Variants in ZDHHC9 observed in about 807,000 individuals in gnomAD.
The protein encoded by ZDHHC9 is palmitoyltransferase ZDHHC9.
ZDHHC9 carries 3 observed loss-of-function variants against 26.6 expected under a neutral mutation model. The ratio of observed to expected loss-of-function variants is 0.11; its 90% CI spans 0.05 to 0.29. The LOEUF is 0.29. ZDHHC9 is among the 10% of genes least tolerant of loss of function. The pLI, the probability that ZDHHC9 is intolerant of heterozygous loss-of-function variation, is 1.00. For missense variants in ZDHHC9, 146 were observed against 296.4 expected (o/e 0.49, Z 3.73); for synonymous variants, 111 against 109.4 (o/e 1.01, Z -0.09).
chrX:129,822,724 C>T (rs1049827064), intron 5 of ZDHHC9, among the ~76,000 whole-genome samples: 4 of 111,460 alleles, frequency 3.6e-5, no homozygotes, highest in Non-Finnish European at 7.5e-5. Flanking sequence ...ATAGCTTTTA[C>T]CATATAAAGC....
At chrX:129,812,592 G>T in intron 8 of ZDHHC9, 126 bp downstream of exon 8, 1 of 580,418 alleles carries the variant, frequency 1.7e-6, no homozygotes, top group Non-Finnish European at 3.0e-6. Context: ...TAACAACCTC[G>T]CATACCACGT....
chrX:129,839,245 A>G (rs1447585441), intron 3 of ZDHHC9, among the ~76,000 whole-genome samples: 1 of 103,713 alleles, frequency 9.6e-6, no homozygotes, highest in African/African-American at 3.6e-5. Flanking sequence ...TTTTTTTAAG[A>G]CAGAGTCTCA....
chrX:129,806,362 T>A lies in ZDHHC9; in HGVS notation c.*8A>T. 8.3e-7 allele frequency: 1 copy of A among 1,202,013 alleles called. No homozygotes were observed. The highest frequency in any genetic ancestry group is 1.1e-6 in the Non-Finnish European group (1 of 886,563). On this transcript the variant is annotated 3_prime_UTR_variant, in exon 11 of 11. Transcript: ENST00000357166. Reference sequence around the variant, plus strand: ...TAAACACAAACAAAAGTCTCTTCCATAGATAGGCTACTTCTCAGCTTCAGC... The same window carrying A: ...TAAACACAAACAAAAGTCTCTTCCAAAGATAGGCTACTTCTCAGCTTCAGC...
At chrX:129,809,947 C>T (rs1359284738) in intron 10 of ZDHHC9, among the ~76,000 whole-genome samples, 5 of 101,930 alleles carry the variant, frequency 4.9e-5, no homozygotes, top group African/African-American at 1.8e-4. Context: ...TGAGATTGCA[C>T]CACCGCACTC....
At chrX:129,834,946 A>C (rs1307906300) in intron 3 of ZDHHC9, among the ~76,000 whole-genome samples, 1 of 112,321 alleles carries the variant, frequency 8.9e-6, no homozygotes, top group Non-Finnish European at 1.9e-5. Flanking sequence ...TCCCTCAATA[A>C]CATCTCAACT....
chrX:129,806,895 A>AG (rs1927528427), intron 10 of ZDHHC9, among the ~76,000 whole-genome samples: 1 of 111,882 alleles, frequency 8.9e-6, no homozygotes, highest in Admixed American at 9.5e-5. Flanking sequence ...AAGAAGGCCA[A>AG]GTGTCCAAAT....
At chrX:129,842,543 T>G (rs1928405937) in intron 2 of ZDHHC9, among the ~76,000 whole-genome samples, 1 of 112,539 alleles carries the variant, frequency 8.9e-6, no homozygotes. Flanking sequence ...ACTCTAAAAA[T>G]AATAGTAGAG....
chrX:129,841,976 G>A lies in ZDHHC9; in HGVS notation c.-31C>T. 3 of 1,209,838 alleles carry A rather than the reference G, an allele frequency of 2.5e-6. No individual in the cohort carries two copies. Among genetic ancestry groups the A allele is most frequent in the Non-Finnish European group, 3.4e-6 (3 of 893,953 alleles). On this transcript the variant is annotated 5_prime_UTR_variant, in exon 3 of 11. Transcript: ENST00000357166. ...GAATTCCTGCTCCAAAATGGGTTTTGCGATTACACGAGAGAAGAAACAGAG... is the reference window on the plus strand; with the variant it reads ...GAATTCCTGCTCCAAAATGGGTTTTACGATTACACGAGAGAAGAAACAGAG...
intron 4 of ZDHHC9, among the ~76,000 whole-genome samples, chrX:129,827,268 A>G (rs186673687): frequency 2.4e-4 from 17 of 71,593 alleles, no homozygotes; most frequent in African/African-American, 8.2e-4. Flanking sequence ...GGAAGGAAGG[A>G]AGGGAGGGAG....
rs1027316485 is a variant in ZDHHC9, at chrX:129,804,580, G to A, written c.*1790C>T. On this transcript the variant is annotated 3_prime_UTR_variant, in exon 11 of 11. Coordinates refer to ENST00000357166, the MANE Select transcript of ZDHHC9 (RefSeq NM_016032.4). ...ACTGATCAAATATTTCCAAGGGGGGGCCCTGATGAGCCTGCGTTAATAACT... is the reference window on the plus strand; with the variant it reads ...ACTGATCAAATATTTCCAAGGGGGGACCCTGATGAGCCTGCGTTAATAACT... The A allele has an allele frequency of 2.7e-5, 3 of 110,718 alleles. No individual in the cohort carries two copies. Among genetic ancestry groups the A allele is most frequent in the Non-Finnish European group, 3.8e-5 (2 of 52,830 alleles). 9.1% of individuals were successfully genotyped at this position (110,718 alleles called of 1,213,427 possible). A position where few individuals can be genotyped will look rare whatever the true frequency, so the allele number is the denominator to read the frequency against.
chrX:129,830,969 T>C (rs1928127649), intron 3 of ZDHHC9, among the ~76,000 whole-genome samples: 1 of 111,608 alleles, frequency 9.0e-6, no homozygotes, highest in African/African-American at 3.3e-5. Context: ...AAATCCTTCA[T>C]CTTAAGTTGC....
chrX:129,831,833 T>C (rs752378911), intron 3 of ZDHHC9, among the ~76,000 whole-genome samples: 2 of 110,824 alleles, frequency 1.8e-5, no homozygotes, highest in Non-Finnish European at 3.8e-5. Flanking sequence ...CTACAACCCA[T>C]AGTGTTTGTC....
chrX:129,828,442 G>T (rs920253873), intron 4 of ZDHHC9, among the ~76,000 whole-genome samples: 1 of 109,155 alleles, frequency 9.2e-6, no homozygotes, highest in Non-Finnish European at 1.9e-5. Flanking sequence ...CCAACACAGT[G>T]AAATCCCCGT....
chrX:129,818,866 C>T (rs886638520), intron 5 of ZDHHC9, among the ~76,000 whole-genome samples: 1 of 111,318 alleles, frequency 9.0e-6, no homozygotes, highest in Non-Finnish European at 1.9e-5. Context: ...TAAAAGACTA[C>T]AAAAGAATAA....
chrX:129,823,714 C>T lies in ZDHHC9; in HGVS notation c.452G>A (p.Arg151Gln), dbSNP rs1927944596. 1 of 1,212,271 alleles carries T rather than the reference C, an allele frequency of 8.2e-7. No individual in the cohort carries two copies. Among genetic ancestry groups the T allele is most frequent in the Non-Finnish European group, 1.1e-6 (1 of 895,594 alleles). Residue 151 changes from arginine (R) to glutamine (Q), a missense_variant, in exon 5 of 11, where the codon CGG (arginine) becomes CAG (glutamine). Transcript: ENST00000357166. The part of the protein sequence containing the change: ...CYTCKIFRPP[R>Q]ASHCSICDNC... ...GTCACAGATGCTGCAATGGGAGGCC[C>T]GGGGAGGCCGGAAGATCTTGCATGT...
intron 3 of ZDHHC9, among the ~76,000 whole-genome samples, chrX:129,839,425 C>T (rs1187883561): frequency 9.1e-6 from 1 of 110,258 alleles, no homozygotes; most frequent in African/African-American, 3.3e-5. Context: ...GTTGGCCAGG[C>T]TGGTCTCGAA....
intron 10 of ZDHHC9, among the ~76,000 whole-genome samples, 184 bp from the exon 11 acceptor site, chrX:129,806,670 A>C (rs952395217): frequency 8.9e-6 from 1 of 112,065 alleles, no homozygotes; most frequent in Non-Finnish European, 1.9e-5. Context: ...AACACAACTG[A>C]AGTTTATTTG....
intron 10 of ZDHHC9, among the ~76,000 whole-genome samples, chrX:129,807,918 A>G (rs1927558330): frequency 1.8e-5 from 2 of 112,759 alleles, no homozygotes; most frequent in Admixed American, 9.4e-5. Flanking sequence ...GTCTTTCAAT[A>G]CACTCCAAGT....
chrX:129,816,127 G>T (rs974188540), intron 5 of ZDHHC9, among the ~76,000 whole-genome samples: 1 of 111,994 alleles, frequency 8.9e-6, no homozygotes, highest in South Asian at 3.7e-4. Context: ...AACTGCGTGC[G>T]TCCACTTGTA....
Sources: gnomAD v4.1 joint callset for allele counts (sites outside exome capture counted in the v4.1 genomes callset) on GRCh38, gnomAD v4.1.1 for gene constraint, MANE v1.5 for transcripts, NCBI Gene and HGNC (gene_info 2026-07-23, HGNC 2026-07-21) for gene names.